PHYHD1: variants seen among roughly 807,000 people sequenced by gnomAD.
PHYHD1 encodes the protein phytanoyl-CoA dioxygenase domain containing 1.
A neutral mutation model predicts 43.6 loss-of-function variants in PHYHD1; 42 were observed. That is an observed-to-expected ratio of 0.96 (90% CI 0.75 to 1.25). The LOEUF is 1.25. PHYHD1 is among the 50% of genes most tolerant of loss of function. The probability of loss-of-function intolerance (pLI) is 0.00; values close to 1 mark genes in which losing one functional copy is unlikely to be tolerated. For synonymous variants in PHYHD1, 139 were observed against 143.6 expected, an observed-to-expected ratio of 0.97 and a Z score of 0.23; for missense variants, 342 against 370.8, an observed-to-expected ratio of 0.92 and a Z score of 0.64.
At chr9:128,923,324 G>A (rs1017068823) in intron 3 of PHYHD1, among the ~76,000 whole-genome samples, 1 of 152,178 alleles carries the variant, frequency 6.6e-6, no homozygotes, top group East Asian at 1.9e-4. Flanking sequence ...CGATCCTCCT[G>A]CCTTGGCCTT....
At chr9:128,922,146 T>TG (rs1198339793) in intron 2 of PHYHD1, 99 bp downstream of exon 2, 2 of 612,562 alleles carry the variant, frequency 3.3e-6, no homozygotes, top group African/African-American at 3.9e-5. Flanking sequence ...GTTGTGGGGG[T>TG]GGGGGAGATT....
At position 128,941,946 on chromosome 9, in the gene PHYHD1, A is replaced by C. The variant is rs954831673; in HGVS notation, c.*233A>C. 7.0e-5 allele frequency: 41 copies of C among 589,726 alleles called. No homozygotes were observed. Among genetic ancestry groups the C allele is most frequent in the African/African-American group, 3.6e-4 (19 of 53,486 alleles). 36.5% of individuals were successfully genotyped at this position (589,726 alleles called of 1,614,324 possible). On this transcript the variant is annotated 3_prime_UTR_variant, in exon 13 of 13. Transcript: ENST00000372592. Reference sequence around the variant, plus strand: ...CTTGAGGAGGCTTCTCAGCCACCAAAGGGTTCTGGCCCCTTCTCACTCTCC... The same window carrying C: ...CTTGAGGAGGCTTCTCAGCCACCAACGGGTTCTGGCCCCTTCTCACTCTCC...
At position 128,939,590 on chromosome 9, in the gene PHYHD1, A is replaced by AAAT. The variant is rs941721330; in HGVS notation, c.458-764_458-762dup. Among the ~76,000 whole-genome samples the AAAT allele has an allele frequency of 1.7e-4, 21 of 120,280 alleles. 5 individuals are homozygous for AAAT. Among genetic ancestry groups the AAAT allele is most frequent in the South Asian group, 5.5e-4 (2 of 3,642 alleles). 78.9% of individuals were successfully genotyped at this position (120,280 alleles called of 152,430 possible). On this transcript the variant is annotated intron_variant, in intron 9 of 12. Coordinates refer to ENST00000372592, the MANE Select transcript of PHYHD1 (RefSeq NM_001100876.2). ...CCAGACTCCGTCTCAAAAAAAAAAAAAATAATAATAATAATAAAGAAATGT... is the reference window on the plus strand; with the variant it reads ...CCAGACTCCGTCTCAAAAAAAAAAAAAATAATAATAATAATAATAAAGAAATGT...
At chr9:128,941,365 G>A in intron 11 of PHYHD1, 80 bp from the exon 12 acceptor site, 2 of 1,560,992 alleles carry the variant, frequency 1.3e-6, no homozygotes, top group South Asian at 1.1e-5. Context: ...ACTGGAAGGA[G>A]GAGGGCCCAT....
At position 128,932,401 on chromosome 9, in the gene PHYHD1, C is replaced by G. The variant is rs574144733; in HGVS notation, c.193-1381C>G. ...TTTTTTCTTGAGATGGAATTTCGCT[C>G]TTGTTGCCCAGGGTGGAGTGCAATG... On this transcript the variant is annotated intron_variant, in intron 4 of 12. Coordinates refer to ENST00000372592, the MANE Select transcript of PHYHD1 (RefSeq NM_001100876.2). Among the ~76,000 whole-genome samples, 31 of 151,566 alleles carry G rather than the reference C, an allele frequency of 2.0e-4. No individual in the cohort carries two copies. In the East Asian group the frequency reaches 5.4e-3, roughly 27 times the overall value.
intron 4 of PHYHD1, 51 bp downstream of exon 4, chr9:128,927,247 T>C (rs1841160576): frequency 6.2e-7 from 1 of 1,605,146 alleles, no homozygotes; most frequent in Non-Finnish European, 8.5e-7. Flanking sequence ...AGGGAGGGCT[T>C]GGTCCCCGGC....
chr9:128,929,449 G>C (rs1054610992), intron 4 of PHYHD1, among the ~76,000 whole-genome samples: 7 of 152,088 alleles, frequency 4.6e-5, no homozygotes, highest in African/African-American at 1.4e-4. Flanking sequence ...GAAACAGGCA[G>C]ATCGCTGGAG....
chr9:128,934,038 C>T lies in PHYHD1; in HGVS notation c.296C>T (p.Ser99Phe), dbSNP rs376090645. Reference protein sequence around the residue: ...KGNFLVPPEKSINKIGHALHA... With the variant: ...KGNFLVPPEKFINKIGHALHA... ...AATTTCCTGGTCCCTCCGGAGAAAT[C>T]CATCAACAAAATTGGCCACGGTGAG... Residue 99 changes from serine (S) to phenylalanine (F), a missense_variant, in exon 6 of 13, where the codon TCC (serine) becomes TTC (phenylalanine). Coordinates refer to ENST00000372592, the MANE Select transcript of PHYHD1 (RefSeq NM_001100876.2). The T allele has an allele frequency of 1.9e-6, 3 of 1,613,690 alleles. No homozygotes were observed. The African/African-American group carries it at 4.0e-5, about 22-fold the overall frequency.
intron 3 of PHYHD1, among the ~76,000 whole-genome samples, chr9:128,923,367 C>T (rs1019250989): frequency 2.0e-5 from 3 of 152,170 alleles, no homozygotes; most frequent in African/African-American, 4.8e-5. Context: ...CATGAGCCAC[C>T]GCGCCCAGCC....
chr9:128,941,576 G>A lies in PHYHD1; in HGVS notation c.830+5G>A. On this transcript the variant is annotated splice_donor_5th_base_variant and intron_variant, in intron 12 of 12. Coordinates refer to ENST00000372592, the MANE Select transcript of PHYHD1 (RefSeq NM_001100876.2). Reference sequence around the variant, plus strand: ...CACCTGGAGCCCGGAGAACTGGTAGGTGACAGGGTGGGTGTGTGTGCCCGA... The same window carrying A: ...CACCTGGAGCCCGGAGAACTGGTAGATGACAGGGTGGGTGTGTGTGCCCGA... The A allele has an allele frequency of 6.2e-7, 1 of 1,614,184 alleles. No individual in the cohort carries two copies. The highest frequency in any genetic ancestry group is 1.6e-4 in the Middle Eastern group (1 of 6,062).
intron 6 of PHYHD1, among the ~76,000 whole-genome samples, chr9:128,934,883 A>G (rs1588253445): frequency 6.6e-6 from 1 of 151,898 alleles, no homozygotes; most frequent in South Asian, 2.1e-4. Flanking sequence ...TAATCATGAC[A>G]CTGCTGCCAC....
chr9:128,940,583 C>T lies in PHYHD1; in HGVS notation c.587-16C>T. Reference sequence around the variant, plus strand: ...TGAGAAAGGAGGAGTTTAAGGCTCTCCATCTTGGCCTGCAGGTGGTGTGTC... The same window carrying T: ...TGAGAAAGGAGGAGTTTAAGGCTCTTCATCTTGGCCTGCAGGTGGTGTGTC... On this transcript the variant is annotated splice_polypyrimidine_tract_variant and intron_variant, in intron 10 of 12. Coordinates refer to ENST00000372592, the MANE Select transcript of PHYHD1 (RefSeq NM_001100876.2). 1 of 1,614,076 alleles carries T rather than the reference C, an allele frequency of 6.2e-7. No homozygotes were observed. The highest frequency in any genetic ancestry group is 1.1e-5 in the South Asian group (1 of 91,084).
chr9:128,931,844 TTC>T (rs1588249932), intron 4 of PHYHD1, among the ~76,000 whole-genome samples: 2 of 135,846 alleles, frequency 1.5e-5, no homozygotes, highest in African/African-American at 5.6e-5. Context: ...CTTTCTTTCT[TTC>T]TTTTTGAGAT....
chr9:128,930,687 C>T (rs940810247), intron 4 of PHYHD1, among the ~76,000 whole-genome samples: 7 of 151,250 alleles, frequency 4.6e-5, no homozygotes, highest in African/African-American at 1.5e-4. Flanking sequence ...CAGTGGCTTA[C>T]GCCTGTAACC....
intron 8 of PHYHD1, 55 bp downstream of exon 8, chr9:128,936,700 A>ATTT: frequency 6.5e-7 from 1 of 1,532,014 alleles, no homozygotes; most frequent in Non-Finnish European, 8.8e-7. Context: ...CAGACTGCTC[A>ATTT]TACCAAGCCC....
chr9:128,933,857 G>A lies in PHYHD1; in HGVS notation c.268G>A (p.Gly90Arg). 3.1e-6 allele frequency: 5 copies of A among 1,613,854 alleles called. No individual in the cohort carries two copies. The highest frequency in any genetic ancestry group is 1.7e-4 in the Middle Eastern group (1 of 6,054). ...FFEKGVFDEK[G>R]NFLVPPEKSI... ...TGAGAAAGGCGTTTTTGATGAGAAA[G>A]GTTTGGAGCTGGGGCCCTAGAGCTG... The change falls in exon 5 of 13, where the codon GGA becomes AGA. Residue 90 changes from glycine (G) to arginine (R), a missense_variant and splice_region_variant. Gly to Arg is a moderately radical substitution (Grantham distance 125). Transcript: ENST00000372592.
intron 3 of PHYHD1, among the ~76,000 whole-genome samples, chr9:128,922,601 G>A (rs1841027734): frequency 6.6e-6 from 1 of 152,142 alleles, no homozygotes; most frequent in South Asian, 2.1e-4. Context: ...ACGAGAATAA[G>A]GCCTCGGAAC....
Position 128,922,366 on chromosome 9 carries a change from T to C in PHYHD1, c.33+10T>C. On this transcript the variant is annotated intron_variant, in intron 3 of 12. Transcript: ENST00000372592. ...CTCGCAGCTCCAGAAGGTAGGAGCC[T>C]GCAAGTCGGGGCCGGGAGGGTCATG... The C allele has an allele frequency of 6.5e-7, 1 of 1,548,458 alleles. No individual in the cohort carries two copies. The highest frequency in any genetic ancestry group is 1.4e-5 in the African/African-American group (1 of 73,064).
At chr9:128,940,820 A>C in intron 11 of PHYHD1, 105 bp downstream of exon 11, 2 of 1,157,806 alleles carry the variant, frequency 1.7e-6, no homozygotes, top group South Asian at 1.5e-5. Context: ...ATCTGAGGGC[A>C]GTGAAGTCAC....
Sources: gnomAD v4.1 joint callset for allele counts (sites outside exome capture counted in the v4.1 genomes callset) on GRCh38, gnomAD v4.1.1 for gene constraint, MANE v1.5 for transcripts, NCBI Gene and HGNC (gene_info 2026-07-23, HGNC 2026-07-21) for gene names.